Variants in WIPF3 observed in about 807,000 individuals in gnomAD.
WIPF3 encodes WAS/WASL interacting protein family member 3.
In WIPF3, 33 loss-of-function variants were observed where a neutral mutation model predicts 38.9. The ratio of observed to expected loss-of-function variants is 0.85; its 90% CI spans 0.64 to 1.14. The LOEUF is 1.14. Ranked by LOEUF, WIPF3 falls within the 50% of genes most tolerant of loss-of-function variation. WIPF3 has a pLI of 0.00. For synonymous variants in WIPF3, 324 were observed against 269.3 expected (o/e 1.20, Z -1.99); for missense variants, 711 against 652.5 (o/e 1.09, Z -0.98).
At chr7:29,869,284 T>A (rs1210954975) in intron 2 of WIPF3, among the ~76,000 whole-genome samples, 2 of 152,156 alleles carry the variant, frequency 1.3e-5, no homozygotes, top group Non-Finnish European at 2.9e-5. Context: ...CACCTTGGCC[T>A]CCCAAAGTGC....
chr7:29,832,531 T>C (rs150232090), intron 1 of WIPF3, among the ~76,000 whole-genome samples: 27 of 152,372 alleles, frequency 1.8e-4, no homozygotes, highest in African/African-American at 5.5e-4. Flanking sequence ...GATGAGTATT[T>C]TCCTTTTCGG....
intron 1 of WIPF3, among the ~76,000 whole-genome samples, chr7:29,807,524 G>A (rs1583584913): frequency 6.6e-6 from 1 of 152,320 alleles, no homozygotes; most frequent in East Asian, 1.9e-4. Context: ...GGCAGGCACC[G>A]GCTCTCAGGA....
At chr7:29,895,367 G>A (rs778704949) in intron 7 of WIPF3, among the ~76,000 whole-genome samples, 5 of 151,956 alleles carry the variant, frequency 3.3e-5, no homozygotes, top group Non-Finnish European at 7.4e-5. Flanking sequence ...GTTCAAACAA[G>A]AACTTGTACA....
At position 29,809,779 on chromosome 7, in the gene WIPF3, TA is replaced by T. The variant is rs561362709; in HGVS notation, c.-58+3104del. Among the ~76,000 whole-genome samples, 56 of 152,188 alleles carry T rather than the reference TA, an allele frequency of 3.7e-4. No homozygotes were observed. In the Middle Eastern group the frequency reaches 0.014, roughly 37 times the overall value. ...CTGCGGTGTTCAAGTGCCAAGGAGG[TA>T]AACTAAAGCAGAGTAAACGTGACAA... On this transcript the variant is annotated intron_variant, in intron 1 of 8. Coordinates refer to ENST00000242140, the MANE Select transcript of WIPF3 (RefSeq NM_001080529.3).
At chr7:29,888,241 G>A (rs895220225) in intron 6 of WIPF3, 24 bp downstream of exon 6, 8 of 1,587,666 alleles carry the variant, frequency 5.0e-6, no homozygotes, top group African/African-American at 2.7e-5. Context: ...ACCCTCTGCC[G>A]GTTTGGCTGC....
At chr7:29,877,283 G>A (rs2286144) in intron 3 of WIPF3, among the ~76,000 whole-genome samples, 4,078 of 152,292 alleles carry the variant, frequency 0.027, 105 homozygotes, top group East Asian at 0.069. Context: ...CCAGCTAGCA[G>A]AATGCTGCCT....
chr7:29,846,093 A>C (rs1391525202), intron 2 of WIPF3, among the ~76,000 whole-genome samples: 1 of 152,264 alleles, frequency 6.6e-6, no homozygotes, highest in African/African-American at 2.4e-5. Flanking sequence ...TTATAAAGCA[A>C]ATGCAGTTAT....
chr7:29,914,737 C>T lies in WIPF3; in HGVS notation c.*221C>T, dbSNP rs1936421519. On this transcript the variant is annotated 3_prime_UTR_variant, in exon 9 of 9. Transcript: ENST00000242140. Reference sequence around the variant, plus strand: ...ACACCCCTCATTTTTCCATTTTTTGCATTGCATCTTGGCATTTGTCAGCAC... The same window carrying T: ...ACACCCCTCATTTTTCCATTTTTTGTATTGCATCTTGGCATTTGTCAGCAC... 1 of 375,210 alleles carries T rather than the reference C, an allele frequency of 2.7e-6. No individual in the cohort carries two copies. Among genetic ancestry groups the T allele is most frequent in the Non-Finnish European group, 4.8e-6 (1 of 206,936 alleles). The allele number at this position is 375,210 out of a possible 1,614,324, so 23.2% of individuals were successfully genotyped here.
intron 4 of WIPF3, 146 bp from the exon 5 acceptor site, chr7:29,883,704 T>C: frequency 2.5e-6 from 3 of 1,188,268 alleles, no homozygotes; most frequent in Non-Finnish European, 3.3e-6. Flanking sequence ...CTGTGGCACC[T>C]GAGGCCTCTC....
intron 2 of WIPF3, among the ~76,000 whole-genome samples, chr7:29,836,307 G>T (rs143333845): frequency 4.6e-5 from 7 of 152,136 alleles, no homozygotes; most frequent in South Asian, 4.1e-4. Flanking sequence ...AAATACTGAC[G>T]TACCCATAAA....
At chr7:29,827,379 A>G (rs994453946) in intron 1 of WIPF3, among the ~76,000 whole-genome samples, 2 of 152,198 alleles carry the variant, frequency 1.3e-5, no homozygotes, top group African/African-American at 4.8e-5. Context: ...CCATCATAAA[A>G]CATTCTCATC....
intron 2 of WIPF3, among the ~76,000 whole-genome samples, chr7:29,849,622 G>A (rs1459245427): frequency 6.6e-6 from 1 of 152,218 alleles, no homozygotes; most frequent in Non-Finnish European, 1.5e-5. Flanking sequence ...AGAAGGTGGT[G>A]AGGGGGAAGG....
At chr7:29,912,470 T>G (rs572715248) in intron 8 of WIPF3, 2 of 172,798 alleles carry the variant, frequency 1.2e-5, no homozygotes, top group Non-Finnish European at 2.6e-5. Context: ...AAGAGATATT[T>G]GTACACCCAT....
At chr7:29,815,448 C>T (rs1054838220) in intron 1 of WIPF3, among the ~76,000 whole-genome samples, 20 of 152,126 alleles carry the variant, frequency 1.3e-4, no homozygotes, top group African/African-American at 4.8e-4. Context: ...TGTTGTCCTT[C>T]CTGGCATGCA....
At chr7:29,876,002 A>T (rs1441393914) in intron 3 of WIPF3, 40 bp downstream of exon 3, 1 of 1,607,250 alleles carries the variant, frequency 6.2e-7, no homozygotes, top group Admixed American at 1.7e-5. Flanking sequence ...TGAGCCAAAG[A>T]CAGGACAGGC....
chr7:29,854,532 A>G (rs1418426249), intron 2 of WIPF3, among the ~76,000 whole-genome samples: 2 of 152,196 alleles, frequency 1.3e-5, no homozygotes, highest in East Asian at 3.8e-4. Flanking sequence ...TCAGGGCCAA[A>G]TTGAGGAGTC....
chr7:29,892,951 G>C (rs1786054474), intron 7 of WIPF3, among the ~76,000 whole-genome samples: 1 of 152,188 alleles, frequency 6.6e-6, no homozygotes, highest in South Asian at 2.1e-4. Context: ...CGTAATCCCA[G>C]CTACTTGGGA....
At chr7:29,876,763 T>C (rs541877870) in intron 3 of WIPF3, among the ~76,000 whole-genome samples, 18 of 152,330 alleles carry the variant, frequency 1.2e-4, no homozygotes, top group African/African-American at 4.1e-4. Flanking sequence ...AGAATTCTGT[T>C]TCAGAGGATG....
chr7:29,880,333 T>C (rs66713142), intron 4 of WIPF3, among the ~76,000 whole-genome samples: 19,260 of 152,182 alleles, frequency 0.13, 1,339 homozygotes, highest in Non-Finnish European at 0.16. Context: ...ATGATTATGC[T>C]GCCTCACTCA....
Sources: allele counts gnomAD v4.1 joint callset (sites outside exome capture counted in the v4.1 genomes callset), GRCh38; gene constraint gnomAD v4.1.1; transcripts MANE v1.5; gene names NCBI Gene and HGNC (gene_info 2026-07-23, HGNC 2026-07-21).